NKAIN3: variants seen among roughly 807,000 people sequenced by gnomAD.
NKAIN3 encodes sodium/potassium transporting ATPase interacting 3.
NKAIN3 carries 25 observed loss-of-function variants against 30.2 expected under a neutral mutation model. The ratio of observed to expected loss-of-function variants is 0.83; its 90% CI spans 0.60 to 1.16. NKAIN3 has a LOEUF of 1.16. Ranked by LOEUF, NKAIN3 falls within the 50% of genes most tolerant of loss-of-function variation. The pLI is 0.00. For missense variants in NKAIN3, 225 were observed against 254.1 expected (o/e 0.89, Z 0.78); for synonymous variants, 91 against 89.6 (o/e 1.02, Z -0.09).
chr8:62,718,589 A>G (rs1035144553), intron 3 of NKAIN3, among the ~76,000 whole-genome samples: 2 of 152,206 alleles, frequency 1.3e-5, no homozygotes, highest in African/African-American at 4.8e-5. Flanking sequence ...AAAATATTCA[A>G]TTGTGGTAAA....
At position 62,557,466 on chromosome 8, in the gene NKAIN3, T is replaced by TA. The variant is rs879831121; in HGVS notation, c.55-22064dup. 1.7e-4 allele frequency among the ~76,000 whole-genome samples: 25 copies of TA among 151,486 alleles called. 1 individual carries two copies. Among genetic ancestry groups the TA allele is most frequent in the Admixed American group, 5.3e-4 (8 of 15,172 alleles). On this transcript the variant is annotated intron_variant, in intron 1 of 6. Coordinates refer to ENST00000623646, the MANE Select transcript of NKAIN3 (RefSeq NM_001304533.3). The stretch of plus-strand genomic sequence containing the variant: ...AAATAGCAGTTCTACTTTTAGCTCT[T>TA]AAAAAAAAATGTTCACACTGTTTTC...
chr8:62,414,878 C>A (rs1485721918), intron 1 of NKAIN3, among the ~76,000 whole-genome samples: 1 of 151,258 alleles, frequency 6.6e-6, no homozygotes, highest in African/African-American at 2.4e-5. Context: ...CAGAGACTGA[C>A]AAGGGCATTT....
chr8:62,747,238 C>A, intron 4 of NKAIN3, 109 bp downstream of exon 4: 1 of 663,400 alleles, frequency 1.5e-6, no homozygotes, highest in Non-Finnish European at 2.6e-6. Context: ...CAGAGAACAT[C>A]CAACAGAAAT....
chr8:62,532,564 T>G (rs1290291957), intron 1 of NKAIN3, among the ~76,000 whole-genome samples: 1 of 152,226 alleles, frequency 6.6e-6, no homozygotes, highest in African/African-American at 2.4e-5. Flanking sequence ...GCAATTGTTT[T>G]GTGATAATGC....
At chr8:62,994,349 A>T (rs1253787901) in intron 5 of NKAIN3, among the ~76,000 whole-genome samples, 2 of 152,194 alleles carry the variant, frequency 1.3e-5, no homozygotes, top group African/African-American at 2.4e-5. Flanking sequence ...CCACATGCAG[A>T]AGTAGGTGCA....
intron 3 of NKAIN3, among the ~76,000 whole-genome samples, chr8:62,662,547 C>T (rs1447412601): frequency 6.6e-6 from 1 of 152,212 alleles, no homozygotes; most frequent in Non-Finnish European, 1.5e-5. Context: ...TTCAGATATA[C>T]ATTGATCATT....
At chr8:62,608,561 A>G (rs921327256) in intron 3 of NKAIN3, among the ~76,000 whole-genome samples, 2 of 152,182 alleles carry the variant, frequency 1.3e-5, no homozygotes, top group Admixed American at 6.6e-5. Context: ...CTTGGCAAAC[A>G]TGCATTATTT....
At position 62,579,532 on chromosome 8, in the gene NKAIN3, G is replaced by A; in HGVS notation, c.55-7G>A. Reference sequence around the variant, plus strand: ...CAATGCTAATGAACTTTCTTTTTTTGTTGTAGGTCTCAGCATTAGAGAGGC... The same window carrying A: ...CAATGCTAATGAACTTTCTTTTTTTATTGTAGGTCTCAGCATTAGAGAGGC... On this transcript the variant is annotated splice_polypyrimidine_tract_variant and splice_region_variant and intron_variant, in intron 1 of 6. Coordinates refer to ENST00000623646, the MANE Select transcript of NKAIN3 (RefSeq NM_001304533.3). 2 of 1,592,470 alleles carry A rather than the reference G, an allele frequency of 1.3e-6. No individual in the cohort carries two copies. Among genetic ancestry groups the A allele is most frequent in the Non-Finnish European group, 1.7e-6 (2 of 1,172,024 alleles).
intron 4 of NKAIN3, among the ~76,000 whole-genome samples, chr8:62,826,991 T>C (rs1215839569): frequency 6.6e-6 from 1 of 152,200 alleles, no homozygotes; most frequent in Non-Finnish European, 1.5e-5. Flanking sequence ...TTTGGCAGGC[T>C]TTAGCCAAAC....
intron 3 of NKAIN3, among the ~76,000 whole-genome samples, chr8:62,679,414 C>T (rs1190204543): frequency 6.6e-6 from 1 of 152,160 alleles, no homozygotes; most frequent in Non-Finnish European, 1.5e-5. Context: ...TAGATGGATC[C>T]TCCAAAGATG....
chr8:62,915,055 T>G (rs1822049661), intron 4 of NKAIN3, among the ~76,000 whole-genome samples: 2 of 152,164 alleles, frequency 1.3e-5, no homozygotes, highest in Non-Finnish European at 2.9e-5. Context: ...ATGTTTGGTT[T>G]TCTGTTCCTG....
chr8:62,806,317 G>A (rs1409382086), intron 4 of NKAIN3, among the ~76,000 whole-genome samples: 2 of 152,128 alleles, frequency 1.3e-5, no homozygotes, highest in African/African-American at 4.8e-5. Flanking sequence ...TATACCGAAA[G>A]GACTATAATC....
intron 1 of NKAIN3, among the ~76,000 whole-genome samples, chr8:62,516,296 G>A (rs528599895): frequency 6.6e-6 from 1 of 152,070 alleles, no homozygotes; most frequent in South Asian, 2.1e-4. Flanking sequence ...AATACCTTCT[G>A]CTAAACAGTC....
intron 1 of NKAIN3, among the ~76,000 whole-genome samples, chr8:62,409,318 G>T (rs1368394831): frequency 6.6e-6 from 1 of 152,094 alleles, no homozygotes; most frequent in Non-Finnish European, 1.5e-5. Flanking sequence ...CCAAGTAGCT[G>T]GGATTACAGG....
intron 3 of NKAIN3, among the ~76,000 whole-genome samples, chr8:62,597,204 A>G (rs1021338980): frequency 2.0e-5 from 3 of 152,062 alleles, no homozygotes; most frequent in Non-Finnish European, 4.4e-5. Flanking sequence ...CTTCTGTGAC[A>G]TATAAAGAAA....
chr8:62,258,416 G>A (rs147670810), intron 1 of NKAIN3, among the ~76,000 whole-genome samples: 212 of 152,330 alleles, frequency 1.4e-3, no homozygotes, highest in African/African-American at 4.8e-3. Context: ...AGAGGCTGAG[G>A]TGGGAGGATC....
chr8:62,658,818 A>T (rs1405195774), intron 3 of NKAIN3, among the ~76,000 whole-genome samples: 1 of 152,116 alleles, frequency 6.6e-6, no homozygotes. Flanking sequence ...CCTCCAGGCT[A>T]CTATAATTCC....
intron 4 of NKAIN3, among the ~76,000 whole-genome samples, chr8:62,823,680 A>C (rs913221228): frequency 6.6e-6 from 1 of 152,186 alleles, no homozygotes; most frequent in African/African-American, 2.4e-5. Flanking sequence ...GCTCAAGTGT[A>C]GGAGTACCTT....
chr8:62,382,809 G>A (rs562809413), intron 1 of NKAIN3, among the ~76,000 whole-genome samples: 10 of 152,086 alleles, frequency 6.6e-5, no homozygotes, highest in East Asian at 1.9e-4. Flanking sequence ...AACCCTTCAC[G>A]CTCCACCTTT....
Sources: gnomAD v4.1 joint callset for allele counts (sites outside exome capture counted in the v4.1 genomes callset) on GRCh38, gnomAD v4.1.1 for gene constraint, MANE v1.5 for transcripts, NCBI Gene and HGNC (gene_info 2026-07-23, HGNC 2026-07-21) for gene names.